ITPR2: variants seen among roughly 807,000 people sequenced by gnomAD.
ITPR2 encodes inositol 1,4,5-trisphosphate receptor type 2, also known as inositol 1,4,5-trisphosphate-gated calcium channel ITPR2.
In ITPR2, 207 loss-of-function variants were observed where a neutral mutation model predicts 317.1. That is an observed-to-expected ratio of 0.65 (90% CI 0.58 to 0.73). The LOEUF is 0.73. Ranked by LOEUF, ITPR2 falls within the 30% of genes least tolerant of loss-of-function variation. The pLI, the probability that ITPR2 is intolerant of heterozygous loss-of-function variation, is 0.00. For missense variants in ITPR2, 2,613 were observed against 3,284.0 expected, an observed-to-expected ratio of 0.80 and a Z score of 4.99; for synonymous variants, 1,156 against 1,149.1, an observed-to-expected ratio of 1.01 and a Z score of -0.12.
intron 49 of ITPR2, among the ~76,000 whole-genome samples, chr12:26,420,654 T>C (rs1364636532): frequency 6.6e-6 from 1 of 152,174 alleles, no homozygotes; most frequent in African/African-American, 2.4e-5. Flanking sequence ...ATGTCTTATT[T>C]CACTGTTTAG....
At chr12:26,357,571 A>G (rs940107310) in intron 55 of ITPR2, among the ~76,000 whole-genome samples, 20 of 152,234 alleles carry the variant, frequency 1.3e-4, no homozygotes, top group Admixed American at 3.9e-4. Flanking sequence ...TTATTGACCA[A>G]AGAGGGTTGC....
In ITPR2 at chr12:26,340,222, G is replaced by A. The variant is rs200691111; in HGVS notation, c.7964C>T (p.Ser2655Leu). Residue 2655 changes from serine (S) to leucine (L), a missense_variant, in exon 56 of 57, where the codon TCG becomes TTG. Physicochemically the swap from Ser to Leu is moderately radical, Grantham distance 145 (BLOSUM62 -2). Coordinates refer to ENST00000381340, the MANE Select transcript of ITPR2 (RefSeq NM_002223.4). ...EIRSLQEKLE[S>L]TMSLVKQLSG... ...CAGCTGTTTGACCAGACTCATGGTC[G>A]ATTCCAACTTCTCCTGAAGGCTCCG... The A allele has an allele frequency of 1.5e-4, 235 of 1,610,270 alleles. No homozygotes were observed. The highest frequency in any genetic ancestry group is 9.3e-5 in the Non-Finnish European group (110 of 1,178,420).
At chr12:26,552,320 C>T (rs1029430116) in intron 36 of ITPR2, among the ~76,000 whole-genome samples, 2 of 152,110 alleles carry the variant, frequency 1.3e-5, no homozygotes, top group Admixed American at 6.5e-5. Flanking sequence ...TCCTGAGTAG[C>T]TGGGACCACA....
chr12:26,517,288 C>G (rs938611830), intron 37 of ITPR2, among the ~76,000 whole-genome samples: 1 of 152,134 alleles, frequency 6.6e-6, no homozygotes, highest in Non-Finnish European at 1.5e-5. Context: ...AATATTTGCA[C>G]ACTCTGCATC....
At chr12:26,603,312 G>A (rs970327430) in intron 26 of ITPR2, among the ~76,000 whole-genome samples, 1 of 152,108 alleles carries the variant, frequency 6.6e-6, no homozygotes. Context: ...AATTAATAAA[G>A]CTTATTAAGA....
chr12:26,455,453 TAAA>T (rs1454455727), intron 45 of ITPR2, among the ~76,000 whole-genome samples: 1 of 145,182 alleles, frequency 6.9e-6, no homozygotes, highest in African/African-American at 2.6e-5. Context: ...GCAAACCTAA[TAAA>T]GAAGGAAATG....
At chr12:26,558,536 T>A (rs1434250833) in intron 35 of ITPR2, among the ~76,000 whole-genome samples, 1 of 152,242 alleles carries the variant, frequency 6.6e-6, no homozygotes, top group Admixed American at 6.5e-5. Context: ...CCTGTCTTCA[T>A]CTTAATCACT....
At chr12:26,457,428 T>C (rs1254949374) in intron 45 of ITPR2, among the ~76,000 whole-genome samples, 5 of 151,716 alleles carry the variant, frequency 3.3e-5, no homozygotes, top group Admixed American at 2.0e-4. Flanking sequence ...AACAGGAGAG[T>C]TGACTTTTGC....
chr12:26,467,160 TATTTGGAGTA>T, intron 45 of ITPR2, among the ~76,000 whole-genome samples: 1 of 152,344 alleles, frequency 6.6e-6, no homozygotes, highest in Non-Finnish European at 1.5e-5. Context: ...AAACTTTAGC[TATTTGGAGTA>T]ATTTACATGC....
chr12:26,762,128 T>C (rs1483015162), intron 2 of ITPR2, among the ~76,000 whole-genome samples: 3 of 152,154 alleles, frequency 2.0e-5, no homozygotes, highest in African/African-American at 7.2e-5. Flanking sequence ...ATATAGGAAT[T>C]ACGGGGTCCC....
intron 2 of ITPR2, among the ~76,000 whole-genome samples, chr12:26,768,569 TA>T (rs1949776790): frequency 6.9e-5 from 1 of 14,596 alleles, no homozygotes; most frequent in Non-Finnish European, 1.8e-4. Flanking sequence ...TACAAATATA[TA>T]TAAAAAAAAA....
chr12:26,643,347 C>T (rs1261589460), intron 21 of ITPR2, among the ~76,000 whole-genome samples: 1 of 152,164 alleles, frequency 6.6e-6, no homozygotes, highest in Non-Finnish European at 1.5e-5. Context: ...TAACAAATAT[C>T]TAAAATGTAG....
chr12:26,485,227 A>G (rs1942639524), intron 41 of ITPR2, among the ~76,000 whole-genome samples: 1 of 152,274 alleles, frequency 6.6e-6, no homozygotes, highest in East Asian at 1.9e-4. Flanking sequence ...ATTTTAATTT[A>G]GTATTTATTT....
intron 30 of ITPR2, among the ~76,000 whole-genome samples, chr12:26,598,791 T>C (rs1485009523): frequency 1.3e-5 from 2 of 152,188 alleles, no homozygotes; most frequent in Non-Finnish European, 2.9e-5. Flanking sequence ...ATAAAGGCAC[T>C]GGAAAAGCAC....
At chr12:26,766,045 C>T (rs909574604) in intron 2 of ITPR2, among the ~76,000 whole-genome samples, 2 of 152,280 alleles carry the variant, frequency 1.3e-5, no homozygotes, top group East Asian at 3.9e-4. Flanking sequence ...CATTCACCAG[C>T]TGCTAAGCAT....
intron 45 of ITPR2, among the ~76,000 whole-genome samples, chr12:26,463,692 A>C (rs1008511245): frequency 7.8e-4 from 72 of 91,720 alleles, no homozygotes; most frequent in Non-Finnish European, 1.6e-3. Context: ...AAAACAAACA[A>C]ACAAACAAAA....
chr12:26,422,769 C>T (rs983596660), intron 49 of ITPR2, among the ~76,000 whole-genome samples: 1 of 152,080 alleles, frequency 6.6e-6, no homozygotes, highest in Non-Finnish European at 1.5e-5. Context: ...GAAAACATGA[C>T]CTATTTTACA....
At chr12:26,574,781 G>T (rs1034225215) in intron 34 of ITPR2, among the ~76,000 whole-genome samples, 14 of 152,066 alleles carry the variant, frequency 9.2e-5, no homozygotes, top group African/African-American at 3.4e-4. Context: ...GAGCAGACGG[G>T]GTCATGTGGC....
At chr12:26,777,024 A>T (rs898195099) in intron 2 of ITPR2, among the ~76,000 whole-genome samples, 1 of 152,214 alleles carries the variant, frequency 6.6e-6, no homozygotes, top group African/African-American at 2.4e-5. Flanking sequence ...ATAATGGTGG[A>T]AGGAACACAG....
Sources: allele counts gnomAD v4.1 joint callset (sites outside exome capture counted in the v4.1 genomes callset), GRCh38; gene constraint gnomAD v4.1.1; transcripts MANE v1.5; gene names NCBI Gene and HGNC (gene_info 2026-07-23, HGNC 2026-07-21).